CD38: variants seen among roughly 807,000 people sequenced by gnomAD.
CD38 encodes ADP-ribosyl cyclase/cyclic ADP-ribose hydrolase 1.
In CD38, 31 loss-of-function variants were observed where a neutral mutation model predicts 36.3. The observed-to-expected ratio is 0.85, with a 90% confidence interval of 0.64 to 1.15. CD38 has a LOEUF of 1.15. CD38 is among the 50% of genes most tolerant of loss of function. The pLI is 0.00. For missense variants in CD38, 380 were observed against 371.9 expected, an observed-to-expected ratio of 1.02 and a Z score of -0.18; for synonymous variants, 131 against 135.2, an observed-to-expected ratio of 0.97 and a Z score of 0.22.
chr4:15,790,822 C>T (rs1163805262), intron 1 of CD38, among the ~76,000 whole-genome samples: 1 of 148,364 alleles, frequency 6.7e-6, no homozygotes, highest in East Asian at 2.0e-4. Context: ...GCACCTCTGC[C>T]CCGCCGCCCT....
chr4:15,785,253 A>C (rs1722790089), intron 1 of CD38, among the ~76,000 whole-genome samples: 1 of 152,142 alleles, frequency 6.6e-6, no homozygotes. Context: ...TTGGGGTGCT[A>C]CCAGGGTATC....
intron 2 of CD38, 50 bp downstream of exon 2, chr4:15,816,690 G>A: frequency 6.3e-7 from 1 of 1,599,544 alleles, no homozygotes; most frequent in South Asian, 1.1e-5. Context: ...AAAGCCAATG[G>A]TAACAATTCA....
chr4:15,821,049 G>A (rs111442819), intron 2 of CD38, among the ~76,000 whole-genome samples: 22,566 of 151,930 alleles, frequency 0.15, 2,297 homozygotes, highest in African/African-American at 0.29. Flanking sequence ...TGAAAACCAT[G>A]CAATTACATG....
At chr4:15,785,148 T>C (rs138339097) in intron 1 of CD38, among the ~76,000 whole-genome samples, 1,771 of 151,994 alleles carry the variant, frequency 0.012, 35 homozygotes, top group African/African-American at 0.039. Context: ...GGTGCTGCTA[T>C]AGTTACAAAT....
chr4:15,848,797 T>C lies in CD38; in HGVS notation c.*195T>C, dbSNP rs1159671316. The C allele has an allele frequency of 2.3e-6, 1 of 428,558 alleles. No individual in the cohort carries two copies. Among genetic ancestry groups the C allele is most frequent in the Admixed American group, 3.8e-5 (1 of 26,334 alleles). The allele number at this position is 428,558 out of a possible 1,614,324, so 26.5% of individuals were successfully genotyped here. A position where few individuals can be genotyped will look rare whatever the true frequency, so the allele number is the denominator to read the frequency against. On this transcript the variant is annotated 3_prime_UTR_variant, in exon 8 of 8. Coordinates refer to ENST00000226279, the MANE Select transcript of CD38 (RefSeq NM_001775.4). ...ATCAGCATACCTTTATTGTGATCTA[T>C]CAATAGTCAAGAAAAATTATTGTAT...
intron 1 of CD38, among the ~76,000 whole-genome samples, chr4:15,787,414 G>T (rs1722862156): frequency 6.6e-6 from 1 of 152,186 alleles, no homozygotes; most frequent in South Asian, 2.1e-4. Context: ...TTCTTCCAGG[G>T]TCTCTTCCTC....
At chr4:15,790,457 C>A (rs1030185851) in intron 1 of CD38, among the ~76,000 whole-genome samples, 1 of 152,004 alleles carries the variant, frequency 6.6e-6, no homozygotes, top group African/African-American at 2.4e-5. Context: ...GGATTGCGGA[C>A]GGAGTCTCGT....
chr4:15,828,506 C>G (rs1163524899), intron 3 of CD38, among the ~76,000 whole-genome samples: 1 of 152,146 alleles, frequency 6.6e-6, no homozygotes, highest in African/African-American at 2.4e-5. Flanking sequence ...GTCTCTGTAT[C>G]CACCATTCTA....
intron 7 of CD38, among the ~76,000 whole-genome samples, chr4:15,840,932 C>G (rs1339603916): frequency 2.0e-5 from 3 of 152,042 alleles, no homozygotes; most frequent in Non-Finnish European, 4.4e-5. Context: ...ATCCTTGTGA[C>G]TTGACATCAT....
intron 2 of CD38, among the ~76,000 whole-genome samples, chr4:15,823,845 G>A (rs1392558818): frequency 1.3e-5 from 2 of 152,078 alleles, no homozygotes; most frequent in African/African-American, 4.8e-5. Context: ...ATAAAGATAT[G>A]TGCATGCATA....
At chr4:15,792,340 TTTA>T (rs1413793366) in intron 1 of CD38, among the ~76,000 whole-genome samples, 15 of 126,036 alleles carry the variant, frequency 1.2e-4, no homozygotes, top group East Asian at 4.2e-4. Context: ...TGTTCACTTG[TTTA>T]TCTGCTGACC....
intron 1 of CD38, among the ~76,000 whole-genome samples, chr4:15,816,249 G>C (rs1189978717): frequency 3.3e-5 from 5 of 152,054 alleles, no homozygotes; most frequent in Admixed American, 2.6e-4. Context: ...TCTCTGCCAG[G>C]TTTCGGTATT....
chr4:15,780,535 C>CTG (rs1722672173), intron 1 of CD38, among the ~76,000 whole-genome samples: 2 of 150,342 alleles, frequency 1.3e-5, no homozygotes, highest in Non-Finnish European at 3.0e-5. Flanking sequence ...CACACACACA[C>CTG]ACACACACAC....
chr4:15,790,767 T>C (rs1212304759), intron 1 of CD38, among the ~76,000 whole-genome samples: 1 of 146,486 alleles, frequency 6.8e-6, no homozygotes, highest in African/African-American at 2.6e-5. Flanking sequence ...ATCTAGGAAG[T>C]GAGGAGCGTC....
chr4:15,815,272 A>G (rs566021735), intron 1 of CD38, among the ~76,000 whole-genome samples: 1 of 152,198 alleles, frequency 6.6e-6, no homozygotes, highest in Admixed American at 6.5e-5. Context: ...TTCCATATGA[A>G]ATTTAAAGTA....
At chr4:15,839,982 CGTTTGGGGTTGAT>C in intron 5 of CD38, 31 bp from the exon 6 acceptor site, 4 of 1,373,546 alleles carry the variant, frequency 2.9e-6, no homozygotes, top group East Asian at 2.3e-5. Context: ...TGGATGCTTT[CGTTTGGGGTTGAT>C]GTTTGGGGTT....
At chr4:15,802,136 T>C (rs992520851) in intron 1 of CD38, among the ~76,000 whole-genome samples, 2 of 152,070 alleles carry the variant, frequency 1.3e-5, no homozygotes, top group African/African-American at 4.8e-5. Flanking sequence ...ATCAGTAGCA[T>C]TTCTATACAC....
chr4:15,841,729 G>A lies in CD38; in HGVS notation c.839+1191G>A, dbSNP rs554073113. The stretch of plus-strand genomic sequence containing the variant: ...CACCGTGCGCGAGCCGAAGCAGGGC[G>A]AGGCATTGCCTCACCTGGGAAGCGC... On this transcript the variant is annotated intron_variant, in intron 7 of 7. Coordinates refer to ENST00000226279, the MANE Select transcript of CD38 (RefSeq NM_001775.4). 2.2e-3 allele frequency among the ~76,000 whole-genome samples: 328 copies of A among 148,736 alleles called. 11 individuals carry two copies. Among genetic ancestry groups the A allele is most frequent in the African/African-American group, 7.5e-3 (295 of 39,222 alleles).
chr4:15,852,090 C>T lies in CD38; in HGVS notation c.*3488C>T, dbSNP rs1724398957. On this transcript the variant is annotated 3_prime_UTR_variant, in exon 8 of 8. Coordinates refer to ENST00000226279, the MANE Select transcript of CD38 (RefSeq NM_001775.4). ...TATGCGACACATGACTGTATATATACTTTCCTGTTACAACAACAGTGTCTC... is the reference window on the plus strand; with the variant it reads ...TATGCGACACATGACTGTATATATATTTTCCTGTTACAACAACAGTGTCTC... 1 of 152,252 alleles carries T rather than the reference C, an allele frequency of 6.6e-6. No individual in the cohort carries two copies. The highest frequency in any genetic ancestry group is 2.4e-5 in the African/African-American group (1 of 41,468). 9.4% of individuals were successfully genotyped at this position (152,252 alleles called of 1,614,324 possible). A position where few individuals can be genotyped will look rare whatever the true frequency, so the allele number is the denominator to read the frequency against.
Sources: allele counts gnomAD v4.1 joint callset (sites outside exome capture counted in the v4.1 genomes callset), GRCh38; gene constraint gnomAD v4.1.1; transcripts MANE v1.5; gene names NCBI Gene and HGNC (gene_info 2026-07-23, HGNC 2026-07-21).